PDE11A: variants seen among roughly 807,000 people sequenced by gnomAD.
The protein encoded by PDE11A is phosphodiesterase 11A.
Under a neutral mutation model 100.5 loss-of-function variants are expected in PDE11A, and 100 were observed. The ratio of observed to expected loss-of-function variants is 1.00; its 90% CI spans 0.85 to 1.18. The LOEUF is 1.18. Ranked by LOEUF, PDE11A falls within the 50% of genes most tolerant of loss-of-function variation. PDE11A has a pLI of 0.00. For missense variants in PDE11A, 1,141 were observed against 1,152.6 expected (o/e 0.99, Z 0.15); for synonymous variants, 381 against 420.8 (o/e 0.91, Z 1.16).
intron 2 of PDE11A, among the ~76,000 whole-genome samples, chr2:177,965,192 C>T (rs1454439705): frequency 1.3e-5 from 2 of 152,086 alleles, no homozygotes; most frequent in African/African-American, 4.8e-5. Flanking sequence ...TGTTCATCTC[C>T]TCTGCTCATT....
rs1469522170 is a variant in PDE11A, at chr2:177,631,322, A to AAAAAAAAAAAAAAAAC, written c.2647-1761_2647-1760insGTTTTTTTTTTTTTTT. On this transcript the variant is annotated intron_variant, in intron 19 of 19. Transcript: ENST00000286063. ...AAAAAAAAAAAAAACAAAAAAAAAA[A>AAAAAAAAAAAAAAAAC]CAACCTAGGCGTGGTGGCACATGCC... is the stretch of plus-strand genomic sequence containing the variant. 2.3e-3 allele frequency among the ~76,000 whole-genome samples: 38 copies of AAAAAAAAAAAAAAAAC among 16,878 alleles called. 5 individuals are homozygous for AAAAAAAAAAAAAAAAC. Among genetic ancestry groups the AAAAAAAAAAAAAAAAC allele is most frequent in the Admixed American group, 4.3e-3 (4 of 926 alleles). 11.1% of individuals were successfully genotyped at this position (16,878 alleles called of 152,430 possible). A position where few individuals can be genotyped will look rare whatever the true frequency, so the allele number is the denominator to read the frequency against.
intron 17 of PDE11A, among the ~76,000 whole-genome samples, chr2:177,673,706 G>A (rs2080721868): frequency 6.6e-6 from 1 of 152,178 alleles, no homozygotes; most frequent in East Asian, 1.9e-4. Flanking sequence ...CTGCTGGAGG[G>A]AGAATGAATC....
chr2:177,639,927 G>A (rs1379688540), intron 19 of PDE11A, among the ~76,000 whole-genome samples: 1 of 152,160 alleles, frequency 6.6e-6, no homozygotes, highest in East Asian at 1.9e-4. Flanking sequence ...ACCTGAAAAT[G>A]TCCAACGGTG....
intron 2 of PDE11A, chr2:178,011,793 G>T (rs1322551000): frequency 2.0e-5 from 3 of 152,138 alleles, no homozygotes; most frequent in Admixed American, 6.5e-5. Flanking sequence ...GTGAGTAAGT[G>T]TTACTATCAC....
At chr2:177,931,469 T>A (rs2085205193) in intron 2 of PDE11A, among the ~76,000 whole-genome samples, 1 of 152,040 alleles carries the variant, frequency 6.6e-6, no homozygotes, top group Non-Finnish European at 1.5e-5. Flanking sequence ...TACAGTGGAA[T>A]AAAAATAGAA....
At chr2:178,052,550 C>A (rs1160070662) in intron 1 of PDE11A, among the ~76,000 whole-genome samples, 6 of 152,124 alleles carry the variant, frequency 3.9e-5, no homozygotes, top group African/African-American at 1.4e-4. Flanking sequence ...ACAAAAAACC[C>A]TTCAAAAAAT....
At chr2:177,943,870 G>A (rs1220876363) in intron 2 of PDE11A, among the ~76,000 whole-genome samples, 2 of 152,090 alleles carry the variant, frequency 1.3e-5, no homozygotes, top group Non-Finnish European at 2.9e-5. Flanking sequence ...CTTACACTTA[G>A]GTCTTTAATC....
chr2:177,661,292 T>A (rs1272538124), intron 19 of PDE11A, among the ~76,000 whole-genome samples: 1 of 152,206 alleles, frequency 6.6e-6, no homozygotes, highest in Admixed American at 6.5e-5. Context: ...CACTTCCCAC[T>A]TGCCTTCGAT....
intron 15 of PDE11A, among the ~76,000 whole-genome samples, chr2:177,695,135 T>A (rs1460670437): frequency 6.6e-6 from 1 of 151,734 alleles, no homozygotes; most frequent in Non-Finnish European, 1.5e-5. Flanking sequence ...GGGAGGGGTA[T>A]AATTGCTAGA....
chr2:177,787,389 C>T (rs1232675085), intron 9 of PDE11A, among the ~76,000 whole-genome samples: 1 of 150,980 alleles, frequency 6.6e-6, no homozygotes, highest in African/African-American at 2.4e-5. Context: ...CTGAAGGAAG[C>T]ACTAAACATG....
At chr2:177,717,708 T>A (rs887034230) in intron 12 of PDE11A, among the ~76,000 whole-genome samples, 1 of 152,174 alleles carries the variant, frequency 6.6e-6, no homozygotes, top group African/African-American at 2.4e-5. Flanking sequence ...AGGCCTCCAA[T>A]GATATTCCTT....
chr2:177,905,621 A>G (rs912295491), intron 2 of PDE11A, among the ~76,000 whole-genome samples: 2 of 152,240 alleles, frequency 1.3e-5, no homozygotes, highest in African/African-American at 4.8e-5. Flanking sequence ...GGCATATACC[A>G]TATGTATATG....
chr2:177,632,101 C>G (rs1020849917), intron 19 of PDE11A, among the ~76,000 whole-genome samples: 1 of 152,158 alleles, frequency 6.6e-6, no homozygotes, highest in African/African-American at 2.4e-5. Flanking sequence ...GGATAGGACA[C>G]TAGCCTGCCA....
chr2:178,069,857 T>A (rs908995355), intron 1 of PDE11A, among the ~76,000 whole-genome samples: 2 of 152,086 alleles, frequency 1.3e-5, no homozygotes, highest in Non-Finnish European at 2.9e-5. Context: ...AAATAAAAGC[T>A]ATAGAAATGG....
chr2:178,059,645 C>T (rs1401835486), intron 1 of PDE11A, among the ~76,000 whole-genome samples: 2 of 152,192 alleles, frequency 1.3e-5, no homozygotes, highest in Non-Finnish European at 2.9e-5. Flanking sequence ...AAATTTCCTA[C>T]CTCCAGTGTC....
intron 2 of PDE11A, chr2:177,997,693 A>C: frequency 6.4e-7 from 1 of 1,554,182 alleles, no homozygotes; most frequent in Non-Finnish European, 8.9e-7. Context: ...GGCTGTTAAG[A>C]AATCTGGAAG....
At chr2:177,847,362 T>A (rs1276664610) in intron 5 of PDE11A, among the ~76,000 whole-genome samples, 1 of 152,140 alleles carries the variant, frequency 6.6e-6, no homozygotes, top group Non-Finnish European at 1.5e-5. Context: ...ATTAACCAAC[T>A]TTCTTGAGTC....
intron 9 of PDE11A, among the ~76,000 whole-genome samples, chr2:177,795,218 GGA>G (rs1477508554): frequency 6.6e-6 from 1 of 152,154 alleles, no homozygotes; most frequent in Non-Finnish European, 1.5e-5. Flanking sequence ...CTGGACAATG[GGA>G]GGAGTGTTTA....
At chr2:177,987,717 C>T (rs2085956750) in intron 2 of PDE11A, among the ~76,000 whole-genome samples, 1 of 152,150 alleles carries the variant, frequency 6.6e-6, no homozygotes, top group Non-Finnish European at 1.5e-5. Context: ...CAACTCTCTT[C>T]TTATAGAATT....
Sources: allele counts gnomAD v4.1 joint callset (sites outside exome capture counted in the v4.1 genomes callset), GRCh38; gene constraint gnomAD v4.1.1; transcripts MANE v1.5; gene names NCBI Gene and HGNC (gene_info 2026-07-23, HGNC 2026-07-21).